FGF14: variants seen among roughly 807,000 people sequenced by gnomAD.
FGF14 encodes the protein fibroblast growth factor homologous factor 4.
FGF14 carries 5 observed loss-of-function variants against 25.5 expected under a neutral mutation model. That is an observed-to-expected ratio of 0.20 (90% CI 0.10 to 0.41). The LOEUF (loss-of-function observed/expected upper bound fraction) is 0.41, where lower values mean the gene tolerates loss of function less well. FGF14 is among the 10% of genes least tolerant of loss of function. The probability of loss-of-function intolerance (pLI) is 1.00; values close to 1 mark genes in which losing one functional copy is unlikely to be tolerated. For missense variants in FGF14, 222 were observed against 320.1 expected (o/e 0.69, Z 2.34); for synonymous variants, 138 against 118.3 (o/e 1.17, Z -1.08).
chr13:101,794,109 C>G (rs753317601), intron 3 of FGF14, among the ~76,000 whole-genome samples: 4 of 151,950 alleles, frequency 2.6e-5, no homozygotes, highest in Non-Finnish European at 4.4e-5. Flanking sequence ...TCTTCTGACT[C>G]AATTTCTTTT....
intron 1 of FGF14, among the ~76,000 whole-genome samples, chr13:101,939,005 T>C (rs2035277244): frequency 6.6e-6 from 1 of 152,198 alleles, no homozygotes; most frequent in Non-Finnish European, 1.5e-5. Flanking sequence ...CTAAACATTG[T>C]ACATCATGCA....
chr13:102,125,127 A>T (rs1230307942), intron 1 of FGF14, among the ~76,000 whole-genome samples: 3 of 152,152 alleles, frequency 2.0e-5, no homozygotes, highest in Non-Finnish European at 2.9e-5. Context: ...TGGTAAGCTA[A>T]ACTCACAGAT....
At chr13:102,159,351 A>G (rs540572742) in intron 1 of FGF14, among the ~76,000 whole-genome samples, 10 of 152,316 alleles carry the variant, frequency 6.6e-5, no homozygotes, top group African/African-American at 2.4e-4. Context: ...TTGGGCCTCA[A>G]AGATGAATCG....
intron 1 of FGF14, chr13:102,394,263 G>C (rs548099494): frequency 1.3e-5 from 2 of 152,430 alleles, no homozygotes; most frequent in Admixed American, 1.3e-4. Flanking sequence ...AGGCCAGACC[G>C]GGAGGGCCAA....
intron 1 of FGF14, among the ~76,000 whole-genome samples, chr13:101,931,955 G>T (rs2034780336): frequency 6.6e-6 from 1 of 152,194 alleles, no homozygotes; most frequent in Non-Finnish European, 1.5e-5. Flanking sequence ...GTTCTCTGGG[G>T]ATGGGTGTGT....
intron 3 of FGF14, among the ~76,000 whole-genome samples, chr13:101,744,942 A>G (rs940897819): frequency 1.3e-5 from 2 of 152,058 alleles, no homozygotes. Flanking sequence ...AGTGAGAAAA[A>G]GAAGGCACCA....
rs548960314 is a variant in FGF14 at position 102,161,195 on chromosome 13, G to T, written c.208+240276C>A. On this transcript the variant is annotated intron_variant, in intron 1 of 4. Transcript: ENST00000376131. ...TCAGGTACTAAGTAAACATCTTGAA[G>T]AGATGAATGCATAAGTACAACAAAA... 2.0e-5 allele frequency among the ~76,000 whole-genome samples: 3 copies of T among 152,224 alleles called. No homozygotes were observed. The South Asian group carries it at 6.2e-4, about 32-fold the overall frequency.
chr13:101,968,673 CAA>C (rs11410391), intron 1 of FGF14, among the ~76,000 whole-genome samples: 10 of 79,020 alleles, frequency 1.3e-4, no homozygotes, highest in Non-Finnish European at 1.3e-4. Flanking sequence ...ACTCCGTCTC[CAA>C]AAAAAAAAAA....
intron 1 of FGF14, among the ~76,000 whole-genome samples, chr13:101,910,433 T>C (rs1467215847): frequency 6.6e-6 from 1 of 152,176 alleles, no homozygotes; most frequent in Non-Finnish European, 1.5e-5. Context: ...TGCCAGGCAC[T>C]GGTGAGACAA....
chr13:101,944,897 G>C (rs1458313177), intron 1 of FGF14, among the ~76,000 whole-genome samples: 1 of 152,168 alleles, frequency 6.6e-6, no homozygotes, highest in African/African-American at 2.4e-5. Flanking sequence ...GGAGGGAGTG[G>C]AGAGTAAGTG....
chr13:102,163,977 C>T (rs1267171366), intron 1 of FGF14, among the ~76,000 whole-genome samples: 1 of 152,082 alleles, frequency 6.6e-6, no homozygotes, highest in South Asian at 2.1e-4. Flanking sequence ...TAGATTATCA[C>T]GTTTTACCAA....
chr13:101,926,213 CACAGAA>C (rs1172587021), intron 1 of FGF14, among the ~76,000 whole-genome samples: 1 of 152,218 alleles, frequency 6.6e-6, no homozygotes, highest in Non-Finnish European at 1.5e-5. Flanking sequence ...ATCCAAAACA[CACAGAA>C]ACAGAATCCT....
At chr13:101,923,665 T>G (rs1335217350) in intron 1 of FGF14, among the ~76,000 whole-genome samples, 2 of 152,102 alleles carry the variant, frequency 1.3e-5, no homozygotes, top group African/African-American at 4.8e-5. Context: ...TAAATTAGAT[T>G]TTCAAAAACC....
At chr13:102,273,555 T>A (rs2053357193) in intron 1 of FGF14, among the ~76,000 whole-genome samples, 1 of 152,212 alleles carries the variant, frequency 6.6e-6, no homozygotes, top group African/African-American at 2.4e-5. Context: ...AATAGTTACA[T>A]TTTCAAACTT....
intron 1 of FGF14, among the ~76,000 whole-genome samples, chr13:101,906,264 A>G (rs1052020935): frequency 3.9e-5 from 6 of 152,184 alleles, no homozygotes; most frequent in Non-Finnish European, 7.4e-5. Context: ...TGAGGTAATT[A>G]TTGAACAATC....
intron 1 of FGF14, among the ~76,000 whole-genome samples, chr13:102,335,194 A>G (rs973551391): frequency 6.6e-6 from 1 of 152,260 alleles, no homozygotes; most frequent in African/African-American, 2.4e-5. Context: ...ACTTGGCCCA[A>G]TCTCTGAAGC....
chr13:102,208,389 C>T (rs1036996063), intron 1 of FGF14, among the ~76,000 whole-genome samples: 1 of 152,194 alleles, frequency 6.6e-6, no homozygotes, highest in Non-Finnish European at 1.5e-5. Flanking sequence ...AAGTACACAG[C>T]ATCATGCTTC....
rs776900888 is a variant in FGF14, at chr13:101,916,526, G to T, written c.120C>A (p.Cys40Ter). The T allele has an allele frequency of 6.2e-7, 1 of 1,613,802 alleles. No homozygotes were observed. Among genetic ancestry groups the T allele is most frequent in the South Asian group, 1.1e-5 (1 of 91,090 alleles). ...RSSPSKNRGL[C>*]NGNLVDIFSK... ...AGAAGATATCCACCAGGTTGCCGTT[G>T]CAGAGCCCGCGGTTCTTGCTGGGGC... is the stretch of plus-strand genomic sequence containing the variant. The change falls in exon 1 of 5, where the codon TGC becomes TGA. Residue 40 changes from cysteine (C) to a stop codon, truncating the protein, a stop_gained. Transcript: ENST00000376143. LOFTEE classifies it high-confidence loss of function.
chr13:101,751,266 G>A (rs1177635210), intron 3 of FGF14, among the ~76,000 whole-genome samples: 2 of 152,144 alleles, frequency 1.3e-5, no homozygotes, highest in African/African-American at 2.4e-5. Flanking sequence ...AATGTAAGAT[G>A]TGAATAAGGG....
Sources: gnomAD v4.1 joint callset for allele counts (sites outside exome capture counted in the v4.1 genomes callset) on GRCh38, gnomAD v4.1.1 for gene constraint, MANE v1.5 for transcripts, NCBI Gene and HGNC (gene_info 2026-07-23, HGNC 2026-07-21) for gene names.